NMS: variants seen among roughly 807,000 people sequenced by gnomAD.
NMS encodes the protein neuromedin-S.
A neutral mutation model predicts 32.2 loss-of-function variants in NMS; 30 were observed. The ratio of observed to expected loss-of-function variants is 0.93; its 90% CI spans 0.70 to 1.26. The LOEUF (loss-of-function observed/expected upper bound fraction) is 1.26. Ranked by LOEUF, NMS falls within the 50% of genes most tolerant of loss-of-function variation. The pLI, the probability that NMS is intolerant of heterozygous loss-of-function variation, is 0.00. For missense variants in NMS, 190 were observed against 186.3 expected (o/e 1.02, Z -0.12); for synonymous variants, 76 against 58.5 (o/e 1.30, Z -1.37).
intron 6 of NMS, 27 bp from the exon 7 acceptor site, chr2:100,480,469 A>G: frequency 6.2e-7 from 1 of 1,613,024 alleles, no homozygotes; most frequent in African/African-American, 1.3e-5. Flanking sequence ...TTCCTGTTGA[A>G]TTAACCTGTG....
At chr2:100,472,048 C>T (rs747961696) in intron 1 of NMS, among the ~76,000 whole-genome samples, 12 of 152,120 alleles carry the variant, frequency 7.9e-5, no homozygotes, top group East Asian at 1.9e-4. Context: ...TCAGAGAGAA[C>T]GCAGGGAACA....
At chr2:100,474,947 A>G (rs1472087014) in intron 3 of NMS, among the ~76,000 whole-genome samples, 1 of 152,196 alleles carries the variant, frequency 6.6e-6, no homozygotes, top group Non-Finnish European at 1.5e-5. Context: ...CATGTTGCAC[A>G]AAAGGGATTT....
intron 5 of NMS, among the ~76,000 whole-genome samples, chr2:100,478,761 G>C (rs558522520): frequency 6.6e-6 from 1 of 152,232 alleles, no homozygotes; most frequent in African/African-American, 2.4e-5. Flanking sequence ...GCCAAGGAGG[G>C]GAATATTATC....
At chr2:100,480,949 C>A (rs1558669903) in intron 7 of NMS, among the ~76,000 whole-genome samples, 177 bp from the exon 8 acceptor site, 3 of 152,268 alleles carry the variant, frequency 2.0e-5, no homozygotes, top group South Asian at 2.1e-4. Flanking sequence ...GGCCCCACCC[C>A]CAAAGATTCA....
chr2:100,481,230 G>T, intron 8 of NMS, 63 bp downstream of exon 8: 1 of 1,492,894 alleles, frequency 6.7e-7, no homozygotes, highest in South Asian at 1.1e-5. Flanking sequence ...CCCAATCATG[G>T]AGTGACTGCA....
intron 9 of NMS, 60 bp downstream of exon 9, chr2:100,482,371 C>G: frequency 6.6e-7 from 1 of 1,507,496 alleles, no homozygotes; most frequent in Non-Finnish European, 9.2e-7. Context: ...TTTTATGTGT[C>G]TGACTGGAGA....
At chr2:100,480,556 G>A (rs1267213523) in intron 7 of NMS, 25 bp downstream of exon 7, 21 of 1,611,842 alleles carry the variant, frequency 1.3e-5, no homozygotes, top group Non-Finnish European at 1.6e-5. Context: ...TGGAGACTGC[G>A]ACCCCCAAAG....
intron 2 of NMS, 74 bp downstream of exon 2, chr2:100,472,924 T>G (rs1677028364): frequency 1.0e-6 from 1 of 979,928 alleles, no homozygotes; most frequent in Non-Finnish European, 1.6e-6. Flanking sequence ...TAATGTTCAC[T>G]TAAAACTATT....
intron 2 of NMS, among the ~76,000 whole-genome samples, chr2:100,473,285 C>G (rs1482541308): frequency 6.6e-6 from 1 of 152,042 alleles, no homozygotes; most frequent in Non-Finnish European, 1.5e-5. Context: ...GTTACATTTT[C>G]TTTATGCTGG....
Position 100,472,795 on chromosome 2 carries a change from G to T in NMS, c.77G>T (p.Gly26Val), listed in dbSNP as rs1056244220. Reference protein sequence around the residue: ...CFCMLQIPSSGFPQPLADPSD... With the variant: ...CFCMLQIPSSVFPQPLADPSD... ...ATAATTTTATGATTTCTCACAATAG[G>T]ATTTCCTCAACCTTTAGCTGATCCT... Residue 26 changes from glycine (G) to valine (V), a missense_variant and splice_region_variant, in exon 2 of 10, where the codon GGA becomes GTA. Gly to Val is a moderately radical substitution (Grantham distance 109). Coordinates refer to ENST00000376865, the MANE Select transcript of NMS (RefSeq NM_001011717.1). 2 of 1,600,498 alleles carry T rather than the reference G, an allele frequency of 1.2e-6. No homozygotes were observed. Among genetic ancestry groups the T allele is most frequent in the Non-Finnish European group, 1.7e-6 (2 of 1,168,630 alleles).
intron 3 of NMS, among the ~76,000 whole-genome samples, chr2:100,475,365 G>A (rs1313442384): frequency 6.6e-6 from 1 of 152,128 alleles, no homozygotes; most frequent in Non-Finnish European, 1.5e-5. Flanking sequence ...AATAGGCCAA[G>A]TCTGTGACTC....
At chr2:100,480,585 G>T (rs1463101998) in intron 7 of NMS, 54 bp downstream of exon 7, 1 of 1,599,468 alleles carries the variant, frequency 6.3e-7, no homozygotes, top group Admixed American at 1.7e-5. Context: ...ACCCGAGAAG[G>T]GTGGGGAAGT....
At chr2:100,474,813 C>T (rs1347390681) in intron 3 of NMS, among the ~76,000 whole-genome samples, 1 of 152,194 alleles carries the variant, frequency 6.6e-6, no homozygotes, top group Non-Finnish European at 1.5e-5. Context: ...TTTTGGTTTA[C>T]TATGCATATG....
At chr2:100,476,424 G>T (rs1365892737) in intron 3 of NMS, among the ~76,000 whole-genome samples, 1 of 152,168 alleles carries the variant, frequency 6.6e-6, no homozygotes, top group African/African-American at 2.4e-5. Flanking sequence ...CATAGGTATT[G>T]CTCTCTTCCA....
intron 3 of NMS, among the ~76,000 whole-genome samples, chr2:100,475,505 T>G (rs1056910582): frequency 1.3e-5 from 2 of 152,170 alleles, no homozygotes; most frequent in African/African-American, 4.8e-5. Context: ...CTGGGAAAAC[T>G]GCAATAAGTT....
At chr2:100,472,556 C>A (rs962884429) in intron 1 of NMS, among the ~76,000 whole-genome samples, 1 of 152,208 alleles carries the variant, frequency 6.6e-6, no homozygotes, top group Non-Finnish European at 1.5e-5. Flanking sequence ...AACAACCATG[C>A]TATTTTAAAT....
intron 5 of NMS, among the ~76,000 whole-genome samples, chr2:100,478,506 A>G (rs1173331147): frequency 1.3e-5 from 2 of 152,324 alleles, no homozygotes; most frequent in East Asian, 3.9e-4. Context: ...CTTGTTGCCC[A>G]GGCTGGAGTG....
chr2:100,481,421 C>T (rs909023677), intron 8 of NMS, among the ~76,000 whole-genome samples: 1 of 152,098 alleles, frequency 6.6e-6, no homozygotes, highest in Non-Finnish European at 1.5e-5. Context: ...CAGACAGACA[C>T]AAGGTAGACC....
chr2:100,480,376 T>C, intron 6 of NMS, 120 bp from the exon 7 acceptor site: 1 of 1,017,794 alleles, frequency 9.8e-7, no homozygotes, highest in Non-Finnish European at 1.5e-6. Context: ...CCACCTCCTC[T>C]TTTGCACCAG....
Sources: allele counts gnomAD v4.1 joint callset (sites outside exome capture counted in the v4.1 genomes callset), GRCh38; gene constraint gnomAD v4.1.1; transcripts MANE v1.5; gene names NCBI Gene and HGNC (gene_info 2026-07-23, HGNC 2026-07-21).